Variants in CHID1 observed in about 807,000 individuals in gnomAD.
CHID1 encodes chitinase domain-containing protein 1.
A neutral mutation model predicts 55.4 loss-of-function variants in CHID1; 44 were observed. That is an observed-to-expected ratio of 0.79 (90% CI 0.62 to 1.02). CHID1 has a LOEUF of 1.02. Ranked by LOEUF, CHID1 falls within the 50% of genes least tolerant of loss-of-function variation. The probability of loss-of-function intolerance (pLI) is 0.00; values close to 1 mark genes in which losing one functional copy is unlikely to be tolerated. For missense variants in CHID1, 491 were observed against 515.3 expected (o/e 0.95, Z 0.46); for synonymous variants, 216 against 212.9 (o/e 1.01, Z -0.13).
chr11:904,844 C>G lies in CHID1; in HGVS notation c.-28G>C, dbSNP rs141438368. The G allele has an allele frequency of 3.4e-4, 555 of 1,613,196 alleles. 1 individual carries two copies. Among genetic ancestry groups the G allele is most frequent in the Non-Finnish European group, 4.4e-4 (516 of 1,179,960 alleles). ...TAGGTGTGTCACAGTAGGGTCCAAC[C>G]TCGGGGTCCAGAGGGCTGCAGGGAA... On this transcript the variant is annotated 5_prime_UTR_variant, in exon 2 of 13. Coordinates refer to ENST00000323578, the MANE Select transcript of CHID1 (RefSeq NM_023947.4).
intron 10 of CHID1, among the ~76,000 whole-genome samples, chr11:881,413 C>CTCAGGAT: frequency 6.7e-6 from 1 of 148,574 alleles, no homozygotes; most frequent in African/African-American, 2.5e-5. Flanking sequence ...CCACGTCGGG[C>CTCAGGAT]GGTAGGCTGG....
At chr11:877,096 T>A (rs1849569256) in intron 10 of CHID1, among the ~76,000 whole-genome samples, 1 of 152,170 alleles carries the variant, frequency 6.6e-6, no homozygotes, top group Non-Finnish European at 1.5e-5. Context: ...GTGCCTTTCT[T>A]TCCTGACTGG....
At chr11:896,920 C>T (rs1373292034) in intron 7 of CHID1, among the ~76,000 whole-genome samples, 1 of 76,944 alleles carries the variant, frequency 1.3e-5, no homozygotes, top group Non-Finnish European at 2.6e-5. Context: ...ACCCCAGACA[C>T]GAGCCTGTCT....
chr11:901,323 AG>A (rs1367966940), intron 4 of CHID1, among the ~76,000 whole-genome samples: 1 of 152,114 alleles, frequency 6.6e-6, no homozygotes. Flanking sequence ...CTCCGAGCTG[AG>A]GGATGGCCAG....
chr11:900,816 G>T, intron 5 of CHID1, 120 bp downstream of exon 5: 1 of 818,460 alleles, frequency 1.2e-6, no homozygotes, highest in Non-Finnish European at 1.9e-6. Flanking sequence ...AGCGGTCAAA[G>T]TAACCTGTGC....
At chr11:890,715 C>T (rs558949204) in intron 8 of CHID1, among the ~76,000 whole-genome samples, 18 of 152,322 alleles carry the variant, frequency 1.2e-4, no homozygotes, top group East Asian at 5.8e-4. Context: ...GTGGGGTTTA[C>T]GCTGTGGCTT....
intron 2 of CHID1, chr11:903,507 G>C (rs565543339): frequency 8.6e-6 from 2 of 232,752 alleles, no homozygotes; most frequent in Non-Finnish European, 1.7e-5. Flanking sequence ...TGCGCTGGGT[G>C]CATTGGCTCA....
intron 8 of CHID1, among the ~76,000 whole-genome samples, chr11:885,637 C>T (rs77408649): frequency 6.6e-6 from 1 of 152,322 alleles, no homozygotes; most frequent in East Asian, 1.9e-4. Flanking sequence ...AGACTTCAGC[C>T]CCAAATCCAG....
At chr11:871,417 A>G (rs1849166705) in intron 10 of CHID1, among the ~76,000 whole-genome samples, 2 of 129,814 alleles carry the variant, frequency 1.5e-5, no homozygotes, top group African/African-American at 5.8e-5. Context: ...TCCTTCACAC[A>G]GAGGACAGGC....
chr11:891,965 A>C (rs2134238098), intron 8 of CHID1, among the ~76,000 whole-genome samples: 1 of 139,130 alleles, frequency 7.2e-6, no homozygotes, highest in East Asian at 2.1e-4. Flanking sequence ...AAAAAACACA[A>C]ATTAACTGGG....
chr11:881,782 G>A (rs967640724), intron 10 of CHID1, among the ~76,000 whole-genome samples: 2 of 150,808 alleles, frequency 1.3e-5, no homozygotes, highest in African/African-American at 2.4e-5. Flanking sequence ...CAGGAGGATC[G>A]CTTGAGCCTA....
chr11:871,208 G>C (rs1476799361), intron 10 of CHID1, among the ~76,000 whole-genome samples: 1 of 152,100 alleles, frequency 6.6e-6, no homozygotes, highest in African/African-American at 2.4e-5. Flanking sequence ...GGCCAAGCTG[G>C]TCTCGAACTC....
chr11:904,852 C>A lies in CHID1; in HGVS notation c.-36G>T. On this transcript the variant is annotated 5_prime_UTR_variant, in exon 2 of 13. Coordinates refer to ENST00000323578, the MANE Select transcript of CHID1 (RefSeq NM_023947.4). ...TCACAGTAGGGTCCAACCTCGGGGTCCAGAGGGCTGCAGGGAAAGCAGAGC... is the reference window on the plus strand; with the variant it reads ...TCACAGTAGGGTCCAACCTCGGGGTACAGAGGGCTGCAGGGAAAGCAGAGC... 6.2e-7 allele frequency: 1 copy of A among 1,613,024 alleles called. No homozygotes were observed. Among genetic ancestry groups the A allele is most frequent in the Non-Finnish European group, 8.5e-7 (1 of 1,179,902 alleles).
At chr11:886,752 T>C (rs564283457) in intron 8 of CHID1, among the ~76,000 whole-genome samples, 43 of 152,308 alleles carry the variant, frequency 2.8e-4, no homozygotes, top group African/African-American at 9.6e-4. Context: ...GGTGGCACCT[T>C]GGCCCCTCCC....
chr11:870,780 ACTGC>A (rs891166747), intron 10 of CHID1: 2 of 388,260 alleles, frequency 5.2e-6, no homozygotes, highest in African/African-American at 4.1e-5. Context: ...GGGGCCTGAA[ACTGC>A]CTGAGCCTGA....
upstream of CHID1, chr11:910,815 G>A (rs982218145): frequency 5.4e-6 from 6 of 1,104,370 alleles, no homozygotes; most frequent in Non-Finnish European, 6.7e-6. Context: ...ACGCACGGCC[G>A]GAAAACGCTC....
Position 869,882 on chromosome 11 carries a change from C to T in CHID1, c.1158G>A (p.Leu386=). The change falls in exon 13 of 13, where the codon CTG becomes CTA. Residue 386 remains leucine, a synonymous_variant. Transcript: ENST00000323578. ...GVSIWELGQG[L]DYFYDLL ...CCTAGAGCAGGTCGTAGAAGTAGTC[C>T]AGGCCCTGGCCCAGCTCCCAGATAG... The T allele has an allele frequency of 3.1e-6, 5 of 1,613,142 alleles. No individual in the cohort carries two copies. The highest frequency in any genetic ancestry group is 4.2e-6 in the Non-Finnish European group (5 of 1,179,956).
At chr11:914,414 T>TG (rs974579045), upstream of CHID1, 44 of 732,172 alleles carry the variant, frequency 6.0e-5, no homozygotes, top group Middle Eastern at 2.9e-4. Flanking sequence ...GCCGTGGGCA[T>TG]GGGGGGGACA....
intron 10 of CHID1, chr11:874,961 G>C (rs1009985767): frequency 9.2e-5 from 14 of 152,398 alleles, no homozygotes; most frequent in African/African-American, 3.4e-4. Context: ...AGTGTGTGTC[G>C]AGAGAAGCCC....
Sources: gnomAD v4.1 joint callset for allele counts (sites outside exome capture counted in the v4.1 genomes callset) on GRCh38, gnomAD v4.1.1 for gene constraint, MANE v1.5 for transcripts, NCBI Gene and HGNC (gene_info 2026-07-23, HGNC 2026-07-21) for gene names.